Variants in LRP1B observed in about 807,000 individuals in gnomAD.
LRP1B encodes the protein low-density lipoprotein receptor-related protein 1B.
A neutral mutation model predicts 556.6 loss-of-function variants in LRP1B; 217 were observed. That is an observed-to-expected ratio of 0.39 (90% CI 0.35 to 0.44). LRP1B has a LOEUF of 0.44. Among genes scored for constraint, LRP1B ranks in the 20% least tolerant of loss-of-function variants. The probability of loss-of-function intolerance (pLI) is 1.00; values close to 1 mark genes in which losing one functional copy is unlikely to be tolerated. For synonymous variants in LRP1B, 2,047 were observed against 1,865.8 expected (o/e 1.10, Z -2.50); for missense variants, 5,053 against 5,620.8 (o/e 0.90, Z 3.23).
At chr2:140,804,286 A>G (rs1421098207) in intron 32 of LRP1B, among the ~76,000 whole-genome samples, 1 of 152,138 alleles carries the variant, frequency 6.6e-6, no homozygotes, top group Admixed American at 6.5e-5. Context: ...TAAATGCATC[A>G]ATCCCAGAAC....
chr2:140,301,829 G>A (rs1412133779), intron 83 of LRP1B, among the ~76,000 whole-genome samples: 1 of 151,516 alleles, frequency 6.6e-6, no homozygotes, highest in Non-Finnish European at 1.5e-5. Context: ...AAATCAAAGT[G>A]CATTAGAATA....
intron 2 of LRP1B, among the ~76,000 whole-genome samples, chr2:141,694,674 T>C (rs1016763717): frequency 6.6e-6 from 1 of 151,980 alleles, no homozygotes; most frequent in African/African-American, 2.4e-5. Flanking sequence ...AATTTTCTCT[T>C]TTAGACATCA....
At chr2:141,889,102 C>T (rs2104909404) in intron 1 of LRP1B, among the ~76,000 whole-genome samples, 1 of 152,192 alleles carries the variant, frequency 6.6e-6, no homozygotes, top group East Asian at 1.9e-4. Context: ...CTGTTAAAGC[C>T]TTCCAATTTA....
At chr2:140,770,111 A>G (rs1408748024) in intron 34 of LRP1B, among the ~76,000 whole-genome samples, 1 of 151,914 alleles carries the variant, frequency 6.6e-6, no homozygotes, top group African/African-American at 2.4e-5. Flanking sequence ...AAGTTGCTTA[A>G]TTTCTCTGTG....
intron 6 of LRP1B, among the ~76,000 whole-genome samples, chr2:141,190,072 G>C (rs978099359): frequency 1.3e-5 from 2 of 151,912 alleles, no homozygotes; most frequent in South Asian, 4.2e-4. Context: ...CTTTTGCTGA[G>C]GACTGCTGCC....
In LRP1B at chr2:141,551,450, G is replaced by T. The variant is rs540894960; in HGVS notation, c.206-70917C>A. 5.9e-5 allele frequency among the ~76,000 whole-genome samples: 9 copies of T among 151,970 alleles called. No individual in the cohort carries two copies. The South Asian group carries it at 1.7e-3, about 28-fold the overall frequency. ...TAGAAATTAATAAATGCCATCCAAG[G>T]TTACACCAAAACTCTCATTCAGTTA... On this transcript the variant is annotated intron_variant, in intron 2 of 90. Transcript: ENST00000389484.
intron 3 of LRP1B, among the ~76,000 whole-genome samples, chr2:141,421,304 G>A (rs908818617): frequency 1.3e-5 from 2 of 151,990 alleles, no homozygotes; most frequent in African/African-American, 4.8e-5. Context: ...CGAGGTGGGC[G>A]GATCACGAGG....
At chr2:141,912,064 T>G (rs1216756233) in intron 1 of LRP1B, among the ~76,000 whole-genome samples, 1 of 152,202 alleles carries the variant, frequency 6.6e-6, no homozygotes, top group Non-Finnish European at 1.5e-5. Context: ...TTTTGGGACA[T>G]AGCTATCATA....
intron 62 of LRP1B, among the ~76,000 whole-genome samples, chr2:140,454,091 G>A (rs192182668): frequency 1.3e-5 from 2 of 152,158 alleles, no homozygotes; most frequent in East Asian, 3.9e-4. Flanking sequence ...GAGTTACAGG[G>A]ATAACCACTA....
chr2:140,623,952 T>TTATATATATATA (rs1166087353), intron 41 of LRP1B, among the ~76,000 whole-genome samples: 4 of 15,284 alleles, frequency 2.6e-4, no homozygotes, highest in African/African-American at 6.1e-4. Flanking sequence ...TATATTTTAT[T>TTATATATATATA]TATGTATATA....
intron 2 of LRP1B, among the ~76,000 whole-genome samples, chr2:141,575,641 A>C (rs1686710229): frequency 6.6e-6 from 1 of 152,198 alleles, no homozygotes; most frequent in Non-Finnish European, 1.5e-5. Flanking sequence ...CAGCAAAAGA[A>C]ACTATCATCA....
chr2:141,888,266 T>C (rs979757027), intron 1 of LRP1B, among the ~76,000 whole-genome samples: 3 of 152,200 alleles, frequency 2.0e-5, no homozygotes, highest in Admixed American at 6.5e-5. Context: ...CAGTTATACA[T>C]TGAACATTCT....
At chr2:141,487,484 C>G (rs137870970) in intron 2 of LRP1B, among the ~76,000 whole-genome samples, 19 of 152,278 alleles carry the variant, frequency 1.2e-4, no homozygotes, top group African/African-American at 3.4e-4. Flanking sequence ...ACAAATGCTA[C>G]TTTCATCTCA....
chr2:141,563,870 T>C (rs1030191040), intron 2 of LRP1B, among the ~76,000 whole-genome samples: 1 of 151,844 alleles, frequency 6.6e-6, no homozygotes, highest in African/African-American at 2.4e-5. Flanking sequence ...TGGGGACTCA[T>C]GGAGAGGAGA....
intron 1 of LRP1B, among the ~76,000 whole-genome samples, chr2:142,017,472 C>G (rs372620398): frequency 6.6e-6 from 1 of 151,984 alleles, no homozygotes; most frequent in Non-Finnish European, 1.5e-5. Flanking sequence ...TGTGGTAATT[C>G]CTAGCTATGT....
At chr2:141,822,054 C>T (rs144511505) in intron 1 of LRP1B, among the ~76,000 whole-genome samples, 42 of 150,362 alleles carry the variant, frequency 2.8e-4, no homozygotes, top group African/African-American at 1.0e-3. Flanking sequence ...GCATTCAACA[C>T]AGACCTATTT....
At chr2:141,270,970 T>C (rs572808627) in intron 3 of LRP1B, among the ~76,000 whole-genome samples, 1 of 151,748 alleles carries the variant, frequency 6.6e-6, no homozygotes, top group Non-Finnish European at 1.5e-5. Context: ...ACAATAAAAG[T>C]AGTAAAAAGA....
At chr2:141,557,399 A>C (rs1685999739) in intron 2 of LRP1B, among the ~76,000 whole-genome samples, 1 of 151,914 alleles carries the variant, frequency 6.6e-6, no homozygotes, top group Non-Finnish European at 1.5e-5. Flanking sequence ...TACTGGGAAA[A>C]CCTTGGGTGG....
intron 16 of LRP1B, among the ~76,000 whole-genome samples, chr2:140,991,843 T>C (rs1558786790): frequency 6.6e-6 from 1 of 152,112 alleles, no homozygotes. Context: ...TGGAGATTTA[T>C]AGTTCAAGTT....
Sources: gnomAD v4.1 joint callset for allele counts (sites outside exome capture counted in the v4.1 genomes callset) on GRCh38, gnomAD v4.1.1 for gene constraint, MANE v1.5 for transcripts, NCBI Gene and HGNC (gene_info 2026-07-23, HGNC 2026-07-21) for gene names.